PRTG: variants seen among roughly 807,000 people sequenced by gnomAD.
The protein encoded by PRTG is immunoglobulin superfamily, DCC subclass, member 5.
Under a neutral mutation model 122.5 loss-of-function variants are expected in PRTG, and 67 were observed. The ratio of observed to expected loss-of-function variants is 0.55; its 90% CI spans 0.45 to 0.67. The LOEUF (loss-of-function observed/expected upper bound fraction) is 0.67. PRTG is among the 30% of genes least tolerant of loss of function. PRTG has a pLI of 0.00. For missense variants in PRTG, 1,435 were observed against 1,415.4 expected, an observed-to-expected ratio of 1.01 and a Z score of -0.22; for synonymous variants, 554 against 501.1, an observed-to-expected ratio of 1.11 and a Z score of -1.41.
chr15:55,695,669 A>G (rs979261343), intron 2 of PRTG, among the ~76,000 whole-genome samples: 16 of 152,202 alleles, frequency 1.1e-4, no homozygotes, highest in Admixed American at 1.3e-4. Context: ...TGGGAAATCT[A>G]TAAGTAGCTC....
rs1308648466 is a variant in PRTG at position 55,725,362 on chromosome 15, A to G, written c.397+15020T>C. 2.0e-5 allele frequency among the ~76,000 whole-genome samples: 3 copies of G among 152,332 alleles called. No individual in the cohort carries two copies. The East Asian group carries it at 5.8e-4, about 29-fold the overall frequency. On this transcript the variant is annotated intron_variant, in intron 2 of 19. Transcript: ENST00000389286. ...CAACTAAACACAAAAGAAGTTAGGAATGCTGAAAATGAGAGACAAAAAAAG... is the reference window on the plus strand; with the variant it reads ...CAACTAAACACAAAAGAAGTTAGGAGTGCTGAAAATGAGAGACAAAAAAAG...
intron 15 of PRTG, among the ~76,000 whole-genome samples, chr15:55,636,491 A>G (rs1015987228): frequency 1.3e-4 from 19 of 151,838 alleles, no homozygotes; most frequent in African/African-American, 3.1e-4. Flanking sequence ...AGTTCTATCA[A>G]TTTTAACTCC....
chr15:55,638,486 A>G, intron 14 of PRTG, 63 bp downstream of exon 14: 3 of 1,334,726 alleles, frequency 2.2e-6, no homozygotes, highest in Non-Finnish European at 2.1e-6. Context: ...TGACATACAT[A>G]TTTTTAAAAC....
At chr15:55,691,553 C>T (rs558697441) in intron 2 of PRTG, among the ~76,000 whole-genome samples, 66 of 147,632 alleles carry the variant, frequency 4.5e-4, no homozygotes, top group Middle Eastern at 3.8e-3. Flanking sequence ...TGGTGGCGTA[C>T]GCCTGTAGTC....
intron 15 of PRTG, among the ~76,000 whole-genome samples, chr15:55,631,752 G>A (rs2059228786): frequency 6.6e-6 from 1 of 152,068 alleles, no homozygotes. Context: ...TTCTAACTTG[G>A]GGCACGTTAC....
intron 11 of PRTG, among the ~76,000 whole-genome samples, chr15:55,661,547 A>T (rs2059409466): frequency 6.6e-6 from 1 of 152,170 alleles, no homozygotes; most frequent in African/African-American, 2.4e-5. Flanking sequence ...TATCTGTGCT[A>T]TGCAGTTTCA....
intron 2 of PRTG, among the ~76,000 whole-genome samples, chr15:55,715,700 C>T (rs1429552500): frequency 2.0e-5 from 3 of 152,040 alleles, no homozygotes; most frequent in Non-Finnish European, 2.9e-5. Flanking sequence ...ACTAGAGTTC[C>T]GTAAGGAAAA....
At chr15:55,664,079 G>T (rs2059424358) in intron 11 of PRTG, among the ~76,000 whole-genome samples, 2 of 152,186 alleles carry the variant, frequency 1.3e-5, no homozygotes, top group African/African-American at 4.8e-5. Flanking sequence ...TGGCAACTGT[G>T]AATAGAGCTA....
chr15:55,731,689 G>A (rs2031239299), intron 2 of PRTG, among the ~76,000 whole-genome samples: 1 of 152,088 alleles, frequency 6.6e-6, no homozygotes, highest in Admixed American at 6.6e-5. Flanking sequence ...ATTCTTAATA[G>A]CAATCGGTGG....
At chr15:55,682,580 A>ATTTATTTATTTG (rs1173946598) in intron 3 of PRTG, 83 bp from the exon 4 acceptor site, 1 of 659,018 alleles carries the variant, frequency 1.5e-6, no homozygotes, top group Non-Finnish European at 2.0e-6. Context: ...TTATTTATTT[A>ATTTATTTATTTG]TGAGATGGAG....
chr15:55,738,363 G>T (rs1168020001), intron 2 of PRTG: 9 of 622,858 alleles, frequency 1.4e-5, no homozygotes, highest in Admixed American at 2.8e-5. Context: ...AAAGCTCTGT[G>T]TTTTTCCAAA....
At chr15:55,733,911 A>C (rs968682297) in intron 2 of PRTG, among the ~76,000 whole-genome samples, 24 of 152,214 alleles carry the variant, frequency 1.6e-4, no homozygotes, top group African/African-American at 5.3e-4. Flanking sequence ...CCACCAAAAC[A>C]AGTAGAATAT....
rs540509455 is a variant in PRTG, at chr15:55,729,997, T to G, written c.397+10385A>C. On this transcript the variant is annotated intron_variant, in intron 2 of 19. Transcript: ENST00000389286. The stretch of plus-strand genomic sequence containing the variant: ...TTAGCAATTTATTTTAAAAATCACC[T>G]TATACAACAAGAAACCTTACACAAG... Among the ~76,000 whole-genome samples, 3 of 152,336 alleles carry G rather than the reference T, an allele frequency of 2.0e-5. No homozygotes were observed. The South Asian group carries it at 6.2e-4, about 32-fold the overall frequency.
At chr15:55,629,393 G>A (rs932447298) in intron 15 of PRTG, among the ~76,000 whole-genome samples, 6 of 108,856 alleles carry the variant, frequency 5.5e-5, no homozygotes, top group African/African-American at 2.9e-4. Flanking sequence ...GTGTGTGTGT[G>A]TGTGTGTGTG....
intron 2 of PRTG, among the ~76,000 whole-genome samples, chr15:55,724,374 A>T (rs2141873339): frequency 6.6e-6 from 1 of 152,282 alleles, no homozygotes; most frequent in African/African-American, 2.4e-5. Context: ...GGTGAATATA[A>T]TGTATATATT....
At chr15:55,699,733 G>C (rs1215586116) in intron 2 of PRTG, among the ~76,000 whole-genome samples, 1 of 152,136 alleles carries the variant, frequency 6.6e-6, no homozygotes, top group African/African-American at 2.4e-5. Flanking sequence ...AAAGGATAAG[G>C]ACAGCTGTAT....
chr15:55,627,492 G>GTT (rs35022592), intron 16 of PRTG, among the ~76,000 whole-genome samples: 14 of 104,774 alleles, frequency 1.3e-4, no homozygotes, highest in Non-Finnish European at 1.6e-4. Context: ...GCCCAGCTAA[G>GTT]TTTTTTTTTT....
At chr15:55,621,725 CAATAT>C (rs1406940020) in intron 18 of PRTG, among the ~76,000 whole-genome samples, 2 of 151,994 alleles carry the variant, frequency 1.3e-5, no homozygotes, top group South Asian at 4.2e-4. Context: ...GTGGTCAAAA[CAATAT>C]AATAGGTTTA....
At position 55,735,931 on chromosome 15, in the gene PRTG, T is replaced by C. The variant is rs373813830; in HGVS notation, c.397+4451A>G. Reference sequence around the variant, plus strand: ...CATTCTAAAAAAGCCTGTAGAACTATATATGCAATTTCTACTTCCTTCACT... The same window carrying C: ...CATTCTAAAAAAGCCTGTAGAACTACATATGCAATTTCTACTTCCTTCACT... On this transcript the variant is annotated intron_variant, in intron 2 of 19. Coordinates refer to ENST00000389286, the MANE Select transcript of PRTG (RefSeq NM_173814.6). Among the ~76,000 whole-genome samples, 25 of 152,296 alleles carry C rather than the reference T, an allele frequency of 1.6e-4. No homozygotes were observed. In the South Asian group the frequency reaches 4.1e-3, roughly 25 times the overall value.
Sources: gnomAD v4.1 joint callset for allele counts (sites outside exome capture counted in the v4.1 genomes callset) on GRCh38, gnomAD v4.1.1 for gene constraint, MANE v1.5 for transcripts, NCBI Gene and HGNC (gene_info 2026-07-23, HGNC 2026-07-21) for gene names.